Variants in ZDHHC24 observed in about 807,000 individuals in gnomAD.
The protein encoded by ZDHHC24 is zDHHC palmitoyltransferase 24.
A neutral mutation model predicts 23.2 loss-of-function variants in ZDHHC24; 17 were observed. The observed-to-expected ratio is 0.73, with a 90% CI of 0.50 to 1.10. The LOEUF is 1.10. Ranked by LOEUF, ZDHHC24 falls within the 50% of genes least tolerant of loss-of-function variation. ZDHHC24 has a pLI of 0.00. For missense variants in ZDHHC24, 366 were observed against 393.0 expected (o/e 0.93, Z 0.58); for synonymous variants, 186 against 194.5 (o/e 0.96, Z 0.36).
intron 4 of ZDHHC24, among the ~76,000 whole-genome samples, chr11:66,525,381 A>G (rs1283072694): frequency 2.7e-5 from 4 of 150,648 alleles, no homozygotes; most frequent in African/African-American, 9.7e-5. Flanking sequence ...CAAAACAACA[A>G]AAATAAATAA....
At chr11:66,540,653 G>A (rs59982644) in intron 2 of ZDHHC24, among the ~76,000 whole-genome samples, 27,621 of 151,520 alleles carry the variant, frequency 0.18, 3,354 homozygotes, top group Non-Finnish European at 0.25. Context: ...GCTTGAACCC[G>A]GGAGGTGGAG....
chr11:66,530,884 C>G (rs1177411873), downstream of ZDHHC24: 1 of 1,614,236 alleles, frequency 6.2e-7, no homozygotes, highest in Admixed American at 1.7e-5. Flanking sequence ...TCCACCCACC[C>G]TCTCCATAGG....
rs755090224 is a variant in ZDHHC24 at position 66,543,896 on chromosome 11, G to A, written c.367C>T (p.His123Tyr). 1.9e-6 allele frequency: 3 copies of A among 1,613,998 alleles called. No homozygotes were observed. The South Asian group carries it at 3.3e-5, about 18-fold the overall frequency. ...CRVCILRRDH[H>Y]CRLLGRCVGF... ...ACGCAGCGGCCCAGCAGGCGGCAGT[G>A]GTGGTCCCGACGCAGGATGCAGACG... The change falls in exon 2 of 3, where the codon CAC becomes TAC. Residue 123 changes from histidine to tyrosine, a missense_variant. Transcript: ENST00000310442.
At chr11:66,523,494 C>T (rs1856337246) in intron 4 of ZDHHC24, 3 of 1,614,002 alleles carry the variant, frequency 1.9e-6, no homozygotes, top group East Asian at 4.5e-5. Context: ...GAGCTGAGCG[C>T]CCAGCCTGTG....
Position 66,540,825 on chromosome 11 carries a change from C to T in ZDHHC24, c.560-1001G>A, listed in dbSNP as rs188482936. On this transcript the variant is annotated intron_variant, in intron 2 of 2. Transcript: ENST00000310442. Reference sequence around the variant, plus strand: ...CAGCAACAAGTACCTGCTGAACTAACGGACTACGAGAGGCCATGAAATGTT... The same window carrying T: ...CAGCAACAAGTACCTGCTGAACTAATGGACTACGAGAGGCCATGAAATGTT... Among the ~76,000 whole-genome samples, 450 of 152,192 alleles carry T rather than the reference C, an allele frequency of 3.0e-3. 2 individuals are homozygous for T. Among genetic ancestry groups the T allele is most frequent in the Middle Eastern group, 6.8e-3 (2 of 294 alleles).
At chr11:66,521,689 TGA>T in intron 4 of ZDHHC24, 1 of 366,480 alleles carries the variant, frequency 2.7e-6, no homozygotes. Context: ...GCGGATCACC[TGA>T]GGTCAGGAGT....
At chr11:66,534,117 T>G (rs1210594979), downstream of ZDHHC24, among the ~76,000 whole-genome samples, 3 of 143,168 alleles carry the variant, frequency 2.1e-5, no homozygotes, top group African/African-American at 5.3e-5. Flanking sequence ...TGCAGTGAGC[T>G]GAGATTGTGC....
exon 5 of ZDHHC24, chr11:66,521,384 C>T: frequency 1.2e-6 from 2 of 1,611,330 alleles, no homozygotes; most frequent in Non-Finnish European, 1.7e-6. Context: ...AAGGTAGCCA[C>T]ATCCGTGGTC....
At chr11:66,526,846 C>T in intron 4 of ZDHHC24, 1 of 1,614,186 alleles carries the variant, frequency 6.2e-7, no homozygotes, top group Non-Finnish European at 8.5e-7. Flanking sequence ...CTTCCTCCTC[C>T]ACTGCTCCTA....
At position 66,546,018 on chromosome 11, in the gene ZDHHC24, G is replaced by A; in HGVS notation, c.-15C>T. 7.2e-7 allele frequency: 1 copy of A among 1,379,536 alleles called. No individual in the cohort carries two copies. The allele number at this position is 1,379,536 out of a possible 1,614,324, so 85.5% of individuals were successfully genotyped here. On this transcript the variant is annotated 5_prime_UTR_variant, in exon 1 of 3. Transcript: ENST00000310442. ...GGCTGCCCCATGGCCTGGACACCCA[G>A]CTGTCGGAGCCGGAGGACTAGGCCG...
At chr11:66,529,513 G>C (rs1332631188) in intron 2 of ZDHHC24, 4 of 721,352 alleles carry the variant, frequency 5.5e-6, no homozygotes, top group Non-Finnish European at 9.9e-6. Flanking sequence ...TGGAGGATGA[G>C]AAGAGGACCA....
At chr11:66,541,112 T>C (rs2134881458) in intron 2 of ZDHHC24, among the ~76,000 whole-genome samples, 1 of 152,116 alleles carries the variant, frequency 6.6e-6, no homozygotes, top group Non-Finnish European at 1.5e-5. Context: ...TTTAAAATAG[T>C]TAAAATGGGC....
downstream of ZDHHC24, chr11:66,521,075 C>T (rs929870417): frequency 4.8e-6 from 3 of 630,582 alleles, no homozygotes; most frequent in Non-Finnish European, 5.7e-6. Context: ...ATCGTTTAGT[C>T]AAAAGGCACA....
At chr11:66,529,908 C>T in intron 2 of ZDHHC24, 1 of 1,606,936 alleles carries the variant, frequency 6.2e-7, no homozygotes, top group South Asian at 1.1e-5. Flanking sequence ...CAGCCTGAGC[C>T]CCCTGTCCAC....
chr11:66,523,774 C>A (rs1245952031), intron 4 of ZDHHC24: 1 of 1,613,140 alleles, frequency 6.2e-7, no homozygotes, highest in Non-Finnish European at 8.5e-7. Flanking sequence ...TGACCATGAA[C>A]CTCCTGGAGC....
exon 5 of ZDHHC24, chr11:66,521,156 G>GT: frequency 1.2e-6 from 1 of 805,352 alleles, no homozygotes; most frequent in South Asian, 1.4e-5. Context: ...TAAACTGGGT[G>GT]TAAGTGAGGA....
At position 66,537,821 on chromosome 11, in the gene ZDHHC24, G is replaced by A. The variant is rs1356740055; in HGVS notation, c.*1708C>T. 4 of 151,896 alleles carry A rather than the reference G, an allele frequency of 2.6e-5. No homozygotes were observed. Among genetic ancestry groups the A allele is most frequent in the East Asian group, 1.9e-4 (1 of 5,182 alleles). 9.4% of individuals were successfully genotyped at this position (151,896 alleles called of 1,614,324 possible). A position where few individuals can be genotyped will look rare whatever the true frequency, so the allele number is the denominator to read the frequency against. On this transcript the variant is annotated 3_prime_UTR_variant, in exon 3 of 3. Transcript: ENST00000310442. ...CAGGCACCTGTAGTCCCAGCTACTT[G>A]AGAGGCTGAGGCAGGAGAATGGCGT...
rs1555049194 is a variant in ZDHHC24, at chr11:66,526,695, AGAGG to A, written c.*21+237_*21+240del. The A allele has an allele frequency of 6.2e-7, 1 of 1,614,194 alleles. No homozygotes were observed. The highest frequency in any genetic ancestry group is 8.5e-7 in the Non-Finnish European group (1 of 1,180,022). ...TCCTGAAGCGTACAGCAGTGTTTGT[AGAGG>A]GAGGAAGTGAGGTGGGTCCCCCACC... is the stretch of plus-strand genomic sequence containing the variant. On this transcript the variant is annotated intron_variant, in intron 4 of 4. Coordinates refer to the ZDHHC24 transcript ENST00000526986.
downstream of ZDHHC24, chr11:66,532,231 A>T (rs920348329): frequency 1.2e-5 from 7 of 606,062 alleles, no homozygotes; most frequent in African/African-American, 3.7e-5. Context: ...GGGCGGCTCA[A>T]CTCCTCCCAC....
Sources: allele counts gnomAD v4.1 joint callset (sites outside exome capture counted in the v4.1 genomes callset), GRCh38; gene constraint gnomAD v4.1.1; transcripts MANE v1.5; gene names NCBI Gene and HGNC (gene_info 2026-07-23, HGNC 2026-07-21).